Variants in NELL1 observed in about 807,000 individuals in gnomAD.
NELL1 encodes neural EGFL like 1.
In NELL1, 76 loss-of-function variants were observed where a neutral mutation model predicts 107.4. The observed-to-expected ratio is 0.71, with a 90% CI of 0.59 to 0.86. NELL1 has a LOEUF of 0.86. Ranked by LOEUF, NELL1 falls within the 40% of genes least tolerant of loss-of-function variation. The pLI, the probability that NELL1 is intolerant of heterozygous loss-of-function variation, is 0.00. For missense variants in NELL1, 1,024 were observed against 1,005.5 expected (o/e 1.02, Z -0.25); for synonymous variants, 353 against 341.2 (o/e 1.03, Z -0.38).
chr11:21,415,003 A>G (rs943463764), intron 15 of NELL1, among the ~76,000 whole-genome samples: 2 of 152,100 alleles, frequency 1.3e-5, no homozygotes, highest in African/African-American at 4.8e-5. Flanking sequence ...AAAAGAAGAC[A>G]ACTAAAGAGC....
intron 12 of NELL1, among the ~76,000 whole-genome samples, chr11:21,103,574 A>G (rs1472294590): frequency 2.0e-5 from 3 of 152,234 alleles, no homozygotes; most frequent in Non-Finnish European, 2.9e-5. Flanking sequence ...TATGCTTGGC[A>G]TAAAGTGGTG....
intron 16 of NELL1, among the ~76,000 whole-genome samples, chr11:21,558,048 G>A (rs1195832335): frequency 6.6e-6 from 1 of 151,998 alleles, no homozygotes; most frequent in African/African-American, 2.4e-5. Context: ...AATCTGTAGT[G>A]ACTGTCTTGC....
intron 13 of NELL1, among the ~76,000 whole-genome samples, chr11:21,192,702 A>T (rs931586480): frequency 2.0e-5 from 3 of 151,848 alleles, no homozygotes; most frequent in African/African-American, 7.3e-5. Flanking sequence ...AATTTTAAGA[A>T]GTAGAGGTTT....
chr11:20,932,859 A>G (rs1850646865), intron 9 of NELL1, among the ~76,000 whole-genome samples: 2 of 152,248 alleles, frequency 1.3e-5, no homozygotes, highest in African/African-American at 4.8e-5. Context: ...ACACTATGGA[A>G]GACACAGAAG....
intron 14 of NELL1, among the ~76,000 whole-genome samples, chr11:21,288,790 C>T (rs1280830484): frequency 1.3e-5 from 2 of 152,140 alleles, no homozygotes; most frequent in Admixed American, 1.3e-4. Context: ...TTCTTATCAG[C>T]AGTAGGATGG....
intron 16 of NELL1, among the ~76,000 whole-genome samples, chr11:21,555,003 G>A (rs541804243): frequency 3.8e-4 from 58 of 152,046 alleles, no homozygotes; most frequent in African/African-American, 1.3e-3. Flanking sequence ...AGGACCAGAC[G>A]TGGAAACTTA....
chr11:21,422,350 T>G (rs1229350864), intron 15 of NELL1, among the ~76,000 whole-genome samples: 6 of 152,186 alleles, frequency 3.9e-5, no homozygotes, highest in Non-Finnish European at 8.8e-5. Flanking sequence ...TAACAATTTG[T>G]AACTCCATTT....
chr11:20,960,441 T>C lies in NELL1; in HGVS notation c.1181T>C (p.Phe394Ser). 1 of 1,613,834 alleles carries C rather than the reference T, an allele frequency of 6.2e-7. No homozygotes were observed. The highest frequency in any genetic ancestry group is 1.7e-5 in the Admixed American group (1 of 59,982). Residue 394 changes from phenylalanine (F) to serine (S), a missense_variant, in exon 12 of 20, where the codon TTT (phenylalanine) becomes TCT (serine). Coordinates refer to ENST00000357134, the MANE Select transcript of NELL1 (RefSeq NM_006157.5). ...TATTTGTTTTTTCTAGGTCATAACT[T>C]TTGTGCAGAAGGACCTAAATGTGGT... ...QCCRVCRGHN[F>S]CAEGPKCGEN...
intron 12 of NELL1, among the ~76,000 whole-genome samples, chr11:20,993,566 C>T (rs1299851766): frequency 6.6e-6 from 1 of 151,914 alleles, no homozygotes; most frequent in Non-Finnish European, 1.5e-5. Flanking sequence ...GTTTCAGGAC[C>T]CCCTCAAGGA....
chr11:20,697,895 G>T (rs1002395559), intron 2 of NELL1, among the ~76,000 whole-genome samples: 1 of 152,150 alleles, frequency 6.6e-6, no homozygotes, highest in African/African-American at 2.4e-5. Flanking sequence ...CCGTGCTTGA[G>T]GTTTGAGCTA....
intron 12 of NELL1, among the ~76,000 whole-genome samples, chr11:21,078,895 A>G (rs1333330206): frequency 6.6e-6 from 1 of 152,114 alleles, no homozygotes; most frequent in Non-Finnish European, 1.5e-5. Flanking sequence ...AGGGCAGCCT[A>G]CAATATAGAA....
At chr11:20,866,562 CA>C (rs1461653729) in intron 4 of NELL1, among the ~76,000 whole-genome samples, 30 of 152,264 alleles carry the variant, frequency 2.0e-4, no homozygotes, top group African/African-American at 7.0e-4. Flanking sequence ...TCACAGAATA[CA>C]GTATTGGCAA....
chr11:21,155,097 A>G (rs1181406785), intron 13 of NELL1, among the ~76,000 whole-genome samples: 2 of 152,210 alleles, frequency 1.3e-5, no homozygotes, highest in Non-Finnish European at 2.9e-5. Flanking sequence ...TAGAGGATGC[A>G]GTTCCTAGAG....
intron 2 of NELL1, chr11:20,771,021 C>T (rs953469608): frequency 1.3e-5 from 2 of 151,726 alleles, no homozygotes; most frequent in Non-Finnish European, 1.5e-5. Context: ...AGCTTCCCCC[C>T]GGCTCTCTCC....
intron 3 of NELL1, among the ~76,000 whole-genome samples, chr11:20,786,775 A>G (rs7118442): frequency 0.33 from 50,411 of 151,546 alleles, 10,063 homozygotes; most frequent in African/African-American, 0.56. Context: ...TTGGGAGGCC[A>G]AGGTGGGCAT....
At chr11:20,781,546 G>A (rs1166162091) in intron 2 of NELL1, among the ~76,000 whole-genome samples, 4 of 152,108 alleles carry the variant, frequency 2.6e-5, no homozygotes, top group East Asian at 1.9e-4. Context: ...ATTGCTGATC[G>A]CTTATGGCTG....
At chr11:21,058,803 C>T (rs1319045494) in intron 12 of NELL1, among the ~76,000 whole-genome samples, 2 of 152,130 alleles carry the variant, frequency 1.3e-5, no homozygotes, top group Admixed American at 6.5e-5. Context: ...GATGAGGGCA[C>T]TTGGTCTTGC....
intron 13 of NELL1, among the ~76,000 whole-genome samples, chr11:21,169,141 G>A (rs544355744): frequency 6.6e-6 from 1 of 151,912 alleles, no homozygotes; most frequent in East Asian, 1.9e-4. Flanking sequence ...CCAGATAACT[G>A]GAGTAATGTT....
At chr11:21,290,388 A>AAAT (rs1316194017) in intron 14 of NELL1, among the ~76,000 whole-genome samples, 3 of 107,328 alleles carry the variant, frequency 2.8e-5, no homozygotes, top group African/African-American at 1.1e-4. Flanking sequence ...ATAAATAAAT[A>AAAT]AAATAAATAG....
Sources: allele counts gnomAD v4.1 joint callset (sites outside exome capture counted in the v4.1 genomes callset), GRCh38; gene constraint gnomAD v4.1.1; transcripts MANE v1.5; gene names NCBI Gene and HGNC (gene_info 2026-07-23, HGNC 2026-07-21).